TENM2: variants seen among roughly 807,000 people sequenced by gnomAD.
The protein encoded by TENM2 is teneurin-2.
In TENM2, 52 loss-of-function variants were observed where a neutral mutation model predicts 245.2. The ratio of observed to expected loss-of-function variants is 0.21; its 90% CI spans 0.17 to 0.27. The LOEUF is 0.27. TENM2 is among the 10% of genes least tolerant of loss of function. The probability of loss-of-function intolerance (pLI) is 1.00; values close to 1 mark genes in which losing one functional copy is unlikely to be tolerated. For synonymous variants in TENM2, 1,363 were observed against 1,438.9 expected, an observed-to-expected ratio of 0.95 and a Z score of 1.19; for missense variants, 3,046 against 3,666.8, an observed-to-expected ratio of 0.83 and a Z score of 4.37.
chr5:167,717,663 A>T (rs1322689659), intron 2 of TENM2, among the ~76,000 whole-genome samples: 1 of 152,140 alleles, frequency 6.6e-6, no homozygotes, highest in Non-Finnish European at 1.5e-5. Flanking sequence ...ATAGCAAAGG[A>T]ATTGAGCATG....
intron 2 of TENM2, among the ~76,000 whole-genome samples, chr5:167,406,552 T>C (rs1428197679): frequency 6.6e-6 from 1 of 152,138 alleles, no homozygotes; most frequent in Admixed American, 6.6e-5. Context: ...GCCAACAATA[T>C]TATCCCTTGA....
At chr5:166,980,899 C>G in the TENM2 span, among the ~76,000 whole-genome samples, 1 of 152,088 alleles carries the variant, frequency 6.6e-6, no homozygotes, top group African/African-American at 2.4e-5. Context: ...CCTCCTTCTG[C>G]TAGGTGGTTG....
chr5:167,139,575 G>A, the TENM2 span, among the ~76,000 whole-genome samples: 40,246 of 152,064 alleles, frequency 0.26, 6,544 homozygotes, highest in East Asian at 0.4. Flanking sequence ...AATTGTAGAA[G>A]ACTTTCTGAC....
chr5:168,160,135 ACT>A (rs760954532), intron 12 of TENM2, among the ~76,000 whole-genome samples: 1 of 152,040 alleles, frequency 6.6e-6, no homozygotes, highest in Non-Finnish European at 1.5e-5. Flanking sequence ...ATTCCCCAAA[ACT>A]CTACCAGTAG....
chr5:167,957,629 C>G (rs559178458), intron 4 of TENM2, among the ~76,000 whole-genome samples: 23 of 152,324 alleles, frequency 1.5e-4, no homozygotes, highest in African/African-American at 5.5e-4. Context: ...AAATTTCCCT[C>G]TAAACACTGC....
rs186778571 is a variant in TENM2 at position 167,359,606 on chromosome 5, G to A, written c.227-15592G>A. Among the ~76,000 whole-genome samples, 519 of 151,582 alleles carry A rather than the reference G, an allele frequency of 3.4e-3. 5 individuals carry two copies. Among genetic ancestry groups the A allele is most frequent in the Non-Finnish European group, 5.0e-3 (341 of 67,930 alleles). On this transcript the variant is annotated intron_variant, in intron 1 of 28. Transcript: ENST00000518659. ...ATTTGTTAATTTTTGCTTTTGTTGCGATTGCTAGGGGCATCGCTGTCACGA... is the reference window on the plus strand; with the variant it reads ...ATTTGTTAATTTTTGCTTTTGTTGCAATTGCTAGGGGCATCGCTGTCACGA...
chr5:167,868,055 A>T (rs1772479945), intron 2 of TENM2, among the ~76,000 whole-genome samples: 1 of 152,232 alleles, frequency 6.6e-6, no homozygotes. Flanking sequence ...TGATCACGTA[A>T]CATAAAGTAT....
chr5:168,186,013 T>A (rs999926492), intron 13 of TENM2: 8 of 141,076 alleles, frequency 5.7e-5, no homozygotes, highest in African/African-American at 1.3e-4. Context: ...TATATATATA[T>A]AAATTTATTT....
chr5:167,118,451 T>C, the TENM2 span, among the ~76,000 whole-genome samples: 1 of 152,200 alleles, frequency 6.6e-6, no homozygotes, highest in Admixed American at 6.5e-5. Flanking sequence ...AATGATCTCG[T>C]AGGGATAGTC....
the TENM2 span, among the ~76,000 whole-genome samples, chr5:167,004,239 C>T: frequency 7.2e-5 from 11 of 152,006 alleles, no homozygotes; most frequent in East Asian, 1.5e-3. Flanking sequence ...TAGTTTTCAC[C>T]GATGAGGAAA....
At chr5:167,420,749 A>G (rs958297839) in intron 2 of TENM2, among the ~76,000 whole-genome samples, 1 of 152,066 alleles carries the variant, frequency 6.6e-6, no homozygotes, top group South Asian at 2.1e-4. Context: ...ATCATTCTCT[A>G]CTATAGAATT....
chr5:167,042,949 A>G, the TENM2 span, among the ~76,000 whole-genome samples: 1 of 152,236 alleles, frequency 6.6e-6, no homozygotes, highest in Non-Finnish European at 1.5e-5. Context: ...TGGGATGCTT[A>G]GACCCAGCAG....
At chr5:167,844,058 C>T (rs1448000254) in intron 2 of TENM2, among the ~76,000 whole-genome samples, 1 of 152,180 alleles carries the variant, frequency 6.6e-6, no homozygotes, top group African/African-American at 2.4e-5. Flanking sequence ...TGTTTCCTTA[C>T]TGCCTGTACA....
intron 2 of TENM2, among the ~76,000 whole-genome samples, chr5:167,730,488 T>A (rs1006340801): frequency 1.3e-5 from 2 of 152,220 alleles, no homozygotes; most frequent in Admixed American, 1.3e-4. Context: ...TGGTGGATCA[T>A]GTTTAATTTC....
intron 4 of TENM2, among the ~76,000 whole-genome samples, chr5:167,986,625 C>T (rs1783266513): frequency 6.6e-6 from 1 of 152,178 alleles, no homozygotes; most frequent in Admixed American, 6.5e-5. Context: ...GTGGCCAATT[C>T]TGAGAGCAAT....
chr5:167,919,012 CTG>C (rs1451262692), intron 3 of TENM2, among the ~76,000 whole-genome samples: 3 of 152,082 alleles, frequency 2.0e-5, no homozygotes, highest in Non-Finnish European at 4.4e-5. Flanking sequence ...CGTGTGTGCA[CTG>C]TGTGTGTATT....
chr5:167,369,594 G>T lies in TENM2; in HGVS notation c.227-5604G>T, dbSNP rs930969513. On this transcript the variant is annotated intron_variant, in intron 1 of 28. Transcript: ENST00000518659. The stretch of plus-strand genomic sequence containing the variant: ...TAGACGTTGATACGGTAGTTGATGT[G>T]AGAAGAGATACTAGGAGAAAGTGGG... Among the ~76,000 whole-genome samples, 11 of 152,148 alleles carry T rather than the reference G, an allele frequency of 7.2e-5. No individual in the cohort carries two copies. In the South Asian group the frequency reaches 1.2e-3, roughly 17 times the overall value.
intron 5 of TENM2, among the ~76,000 whole-genome samples, chr5:168,024,547 T>A (rs1035874281): frequency 2.6e-5 from 4 of 152,234 alleles, no homozygotes; most frequent in African/African-American, 9.6e-5. Context: ...CTTGCAAGTG[T>A]CATTTCCATA....
intron 17 of TENM2, among the ~76,000 whole-genome samples, chr5:168,201,659 A>G (rs1021002305): frequency 2.0e-5 from 3 of 152,202 alleles, no homozygotes; most frequent in Admixed American, 2.0e-4. Context: ...CAGTATTTCA[A>G]TTGCCTGACA....
Sources: gnomAD v4.1 joint callset for allele counts (sites outside exome capture counted in the v4.1 genomes callset) on GRCh38, gnomAD v4.1.1 for gene constraint, MANE v1.5 for transcripts, NCBI Gene and HGNC (gene_info 2026-07-23, HGNC 2026-07-21) for gene names.